The following SCAPER variants were observed in gnomAD, a reference collection of about 807,000 sequenced individuals.
SCAPER encodes S-phase cyclin A associated protein in the ER.
In SCAPER, 98 loss-of-function variants were observed where a neutral mutation model predicts 182.2. The ratio of observed to expected loss-of-function variants is 0.54; its 90% CI spans 0.46 to 0.64. The LOEUF is 0.64. SCAPER is among the 30% of genes least tolerant of loss of function. The probability of loss-of-function intolerance (pLI) is 0.00; values close to 1 mark genes in which losing one functional copy is unlikely to be tolerated. For missense variants in SCAPER, 1,432 were observed against 1,690.0 expected (o/e 0.85, Z 2.68); for synonymous variants, 605 against 564.6 (o/e 1.07, Z -1.01).
chr15:76,691,627 T>C (rs984072877), intron 20 of SCAPER, among the ~76,000 whole-genome samples: 5 of 152,132 alleles, frequency 3.3e-5, no homozygotes, highest in Admixed American at 3.3e-4. Flanking sequence ...CAAGCTATAA[T>C]TCTACCCCCA....
Position 76,845,125 on chromosome 15 carries a change from C to T in SCAPER, c.196-3194G>A, listed in dbSNP as rs547248115. ...TATAACAAAATGAATAAAAATCACA[C>T]AATCATTCCAATGCATGCTGAAAAA... On this transcript the variant is annotated intron_variant, in intron 4 of 31. Coordinates refer to ENST00000563290, the MANE Select transcript of SCAPER (RefSeq NM_020843.4). Among the ~76,000 whole-genome samples the T allele has an allele frequency of 3.9e-5, 6 of 152,164 alleles. No homozygotes were observed. In the South Asian group the frequency reaches 8.3e-4, roughly 21 times the overall value.
At chr15:76,651,050 T>C (rs1337274617) in intron 21 of SCAPER, among the ~76,000 whole-genome samples, 1 of 151,952 alleles carries the variant, frequency 6.6e-6, no homozygotes, top group Non-Finnish European at 1.5e-5. Flanking sequence ...TAATTACATA[T>C]ATTATAAAAA....
rs76850519 is a variant in SCAPER at position 76,373,818 on chromosome 15, A to T, written c.3855+2344T>A. 7.2e-3 allele frequency among the ~76,000 whole-genome samples: 1,097 copies of T among 152,154 alleles called. 11 individuals carry two copies. Among genetic ancestry groups the T allele is most frequent in the Non-Finnish European group, 0.011 (745 of 68,004 alleles). ...TGAGGTATCAGAGGCATCAACAATC[A>T]TCTAGGAAATACAGAGCAGGGCTTA... On this transcript the variant is annotated intron_variant, in intron 29 of 31. Transcript: ENST00000563290.
At chr15:76,629,213 C>CT (rs941195423) in intron 21 of SCAPER, among the ~76,000 whole-genome samples, 22 of 152,218 alleles carry the variant, frequency 1.4e-4, no homozygotes, top group African/African-American at 5.1e-4. Context: ...AACAAAGACA[C>CT]TTTGACTTCC....
intron 24 of SCAPER, among the ~76,000 whole-genome samples, chr15:76,484,329 T>C (rs570828201): frequency 3.3e-5 from 5 of 151,978 alleles, no homozygotes; most frequent in African/African-American, 7.2e-5. Context: ...GCTGACCCCA[T>C]AGAAATACAA....
chr15:76,432,201 A>G (rs1287874660), intron 26 of SCAPER, among the ~76,000 whole-genome samples: 2 of 152,220 alleles, frequency 1.3e-5, no homozygotes, highest in Non-Finnish European at 2.9e-5. Context: ...AGAGAGGGCA[A>G]ATTCTACAAC....
chr15:76,657,588 C>CAAAAAAAAAAA (rs35243291), intron 21 of SCAPER, among the ~76,000 whole-genome samples: 2 of 129,852 alleles, frequency 1.5e-5, no homozygotes, highest in Non-Finnish European at 1.6e-5. Flanking sequence ...GACACAACAA[C>CAAAAAAAAAAA]AAAAAAAAAA....
Position 76,381,499 on chromosome 15 carries a change from G to C in SCAPER, c.3584C>G (p.Thr1195Ser). 6.2e-7 allele frequency: 1 copy of C among 1,613,648 alleles called. No individual in the cohort carries two copies. The highest frequency in any genetic ancestry group is 8.5e-7 in the Non-Finnish European group (1 of 1,179,804). ...HMLYCVLFHG[T>S]ILDPSTASPK... ...ACTGGCAGTGCTGGGGTCCAAGATGGTGCCATGGAAGAGGACACAGTAGAG... is the reference window on the plus strand; with the variant it reads ...ACTGGCAGTGCTGGGGTCCAAGATGCTGCCATGGAAGAGGACACAGTAGAG... The change falls in exon 28 of 32, where the codon ACC (threonine) becomes AGC (serine). Residue 1195 changes from threonine to serine, a missense_variant. Thr to Ser is a moderately conservative substitution (Grantham distance 58). Transcript: ENST00000563290.
At chr15:76,404,958 G>A (rs2044719855) in intron 26 of SCAPER, among the ~76,000 whole-genome samples, 1 of 151,874 alleles carries the variant, frequency 6.6e-6, no homozygotes, top group Non-Finnish European at 1.5e-5. Context: ...ATTCTTACTG[G>A]TCTAAAGAGT....
intron 20 of SCAPER, among the ~76,000 whole-genome samples, chr15:76,667,625 CAAAAAAAAAAAAAAAAAAA>C (rs775463270): frequency 0.032 from 890 of 27,434 alleles, 34 homozygotes; most frequent in African/African-American, 0.11. Flanking sequence ...GACTCAGTCT[CAAAAAAAAAAAAAAAAAAA>C]AAAAAAAAAA....
chr15:76,423,200 T>A (rs1395874883), intron 26 of SCAPER, among the ~76,000 whole-genome samples: 1 of 152,116 alleles, frequency 6.6e-6, no homozygotes, highest in Non-Finnish European at 1.5e-5. Flanking sequence ...GAATGGTACC[T>A]GCTCTCCTTG....
chr15:76,601,385 C>A (rs533575013), intron 22 of SCAPER, among the ~76,000 whole-genome samples: 3 of 122,094 alleles, frequency 2.5e-5, no homozygotes, highest in African/African-American at 7.5e-5. Context: ...TATAATACTG[C>A]ATTTTTACTG....
chr15:76,552,385 C>A (rs1431308173), intron 23 of SCAPER, among the ~76,000 whole-genome samples: 1 of 152,140 alleles, frequency 6.6e-6, no homozygotes, highest in Non-Finnish European at 1.5e-5. Context: ...GACTGGCACA[C>A]TCTGAGCAGA....
At chr15:76,574,422 A>C in intron 22 of SCAPER, 138 bp from the exon 23 acceptor site, 1 of 875,556 alleles carries the variant, frequency 1.1e-6, no homozygotes, top group Non-Finnish European at 1.7e-6. Context: ...GGGAGAAAAA[A>C]CCAGACAACC....
intron 24 of SCAPER, among the ~76,000 whole-genome samples, chr15:76,500,600 C>A (rs2041017521): frequency 6.6e-6 from 1 of 152,156 alleles, no homozygotes; most frequent in Non-Finnish European, 1.5e-5. Flanking sequence ...ACAGCTGCTT[C>A]TAGTCACAGC....
chr15:76,715,953 C>T (rs1003738257), intron 17 of SCAPER, among the ~76,000 whole-genome samples: 10 of 152,128 alleles, frequency 6.6e-5, no homozygotes, highest in African/African-American at 2.2e-4. Context: ...TCACAAGACC[C>T]TAAGCCCAGA....
At chr15:76,855,103 G>A in intron 4 of SCAPER, among the ~76,000 whole-genome samples, 1 of 152,066 alleles carries the variant, frequency 6.6e-6, no homozygotes, top group South Asian at 2.1e-4. Context: ...TGGAACAGAA[G>A]AGAGAGCCCA....
At chr15:76,847,811 C>T (rs2070272964) in intron 4 of SCAPER, among the ~76,000 whole-genome samples, 1 of 152,090 alleles carries the variant, frequency 6.6e-6, no homozygotes, top group Admixed American at 6.5e-5. Flanking sequence ...GTCCCAGCCA[C>T]TCAGGAGGCT....
intron 30 of SCAPER, 22 bp downstream of exon 30, chr15:76,353,927 T>C (rs771364790): frequency 1.3e-6 from 2 of 1,506,572 alleles, no homozygotes; most frequent in Non-Finnish European, 1.8e-6. Context: ...AGCTAGACAA[T>C]TACGTATAAT....
Sources: gnomAD v4.1 joint callset for allele counts (sites outside exome capture counted in the v4.1 genomes callset) on GRCh38, gnomAD v4.1.1 for gene constraint, MANE v1.5 for transcripts, NCBI Gene and HGNC (gene_info 2026-07-23, HGNC 2026-07-21) for gene names.